SCLY: variants seen among roughly 807,000 people sequenced by gnomAD.
SCLY encodes selenocysteine lyase, also known as putative selenocysteine lyase.
SCLY carries 38 observed loss-of-function variants against 50.1 expected under a neutral mutation model. The ratio of observed to expected loss-of-function variants is 0.76; its 90% CI spans 0.59 to 0.99. The LOEUF (loss-of-function observed/expected upper bound fraction) is 0.99. Ranked by LOEUF, SCLY falls within the 50% of genes least tolerant of loss-of-function variation. The pLI is 0.00. For synonymous variants in SCLY, 243 were observed against 249.4 expected (o/e 0.97, Z 0.24); for missense variants, 600 against 620.0 (o/e 0.97, Z 0.34).
Position 238,082,328 on chromosome 2 carries a change from G to A in SCLY, c.777+119G>A, listed in dbSNP as rs368004196. 188 of 998,494 alleles carry A rather than the reference G, an allele frequency of 1.9e-4. 1 individual carries two copies. The African/African-American group carries it at 2.7e-3, about 14-fold the overall frequency. The allele number at this position is 998,494 out of a possible 1,614,324, so 61.9% of individuals were successfully genotyped here. A position where few individuals can be genotyped will look rare whatever the true frequency, so the allele number is the denominator to read the frequency against. ...AGCCAGGCCTTGGGGGCACTGCGAG[G>A]AGCAACGTGGGATCCTTGTCCTCAG... On this transcript the variant is annotated intron_variant, in intron 6 of 11. Coordinates refer to ENST00000254663, the MANE Select transcript of SCLY (RefSeq NM_016510.7).
intron 8 of SCLY, chr2:238,091,535 A>ACCG: frequency 2.0e-5 from 8 of 394,928 alleles, no homozygotes; most frequent in South Asian, 9.8e-5. Flanking sequence ...GTGAAGTGTC[A>ACCG]AGCTGCAGGT....
intron 4 of SCLY, among the ~76,000 whole-genome samples, chr2:238,075,981 CCAATAATGGAACA>C (rs1453613742): frequency 6.6e-6 from 1 of 151,014 alleles, no homozygotes; most frequent in Non-Finnish European, 1.5e-5. Flanking sequence ...GCTTAGCGTT[CCAATAATGGAACA>C]CCAGGCATAA....
At chr2:238,068,254 T>A in intron 3 of SCLY, 89 bp downstream of exon 3, 1 of 1,057,544 alleles carries the variant, frequency 9.5e-7, no homozygotes, top group Non-Finnish European at 1.4e-6. Context: ...CATTTTCATT[T>A]AAAGAAAGAG....
chr2:238,098,671 T>TGGGA lies in SCLY; in HGVS notation c.*316_*317insGGGA, dbSNP rs1295676482. 48 of 86,002 alleles carry TGGGA rather than the reference T, an allele frequency of 5.6e-4. No homozygotes were observed. The highest frequency in any genetic ancestry group is 1.8e-3 in the East Asian group (7 of 3,788). The allele number at this position is 86,002 out of a possible 1,614,324, so 5.3% of individuals were successfully genotyped here. A position where few individuals can be genotyped will look rare whatever the true frequency, so the allele number is the denominator to read the frequency against. ...TGGGACCGCCCACATAGAACCGTCC[T>TGGGA]CCAGTGGTGAAGCGGAAACACTTAG... On this transcript the variant is annotated 3_prime_UTR_variant, in exon 12 of 12. Transcript: ENST00000254663.
chr2:238,083,966 C>T lies in SCLY; in HGVS notation c.884+612C>T, dbSNP rs1196374985. Reference sequence around the variant, plus strand: ...AAATGCCCCAACCAAAGCCTGTCCTCTCTAGCCAGTGGACCAGGAAAGGAA... The same window carrying T: ...AAATGCCCCAACCAAAGCCTGTCCTTTCTAGCCAGTGGACCAGGAAAGGAA... On this transcript the variant is annotated intron_variant, in intron 7 of 11. Coordinates refer to ENST00000254663, the MANE Select transcript of SCLY (RefSeq NM_016510.7). The surrounding 1 kb of genome is among the most constrained non-coding windows in gnomAD (Gnocchi z 4.3). Among the ~76,000 whole-genome samples, 1 of 152,238 alleles carries T rather than the reference C, an allele frequency of 6.6e-6. No homozygotes were observed. The highest frequency in any genetic ancestry group is 1.5e-5 in the Non-Finnish European group (1 of 68,046).
chr2:238,096,763 GGA>G (rs751010526), intron 10 of SCLY, 36 bp from the exon 11 acceptor site: 1 of 1,582,698 alleles, frequency 6.3e-7, no homozygotes, highest in Non-Finnish European at 8.6e-7. Context: ...CAACCTGGCT[GGA>G]GCCCCATCTC....
intron 8 of SCLY, chr2:238,092,200 T>G (rs963954557): frequency 6.6e-6 from 1 of 152,312 alleles, no homozygotes; most frequent in East Asian, 1.9e-4. Flanking sequence ...ATTCTCCCAC[T>G]TCAGTCTCCA....
chr2:238,090,657 T>G (rs537067230), intron 7 of SCLY, among the ~76,000 whole-genome samples: 1 of 152,306 alleles, frequency 6.6e-6, no homozygotes, highest in South Asian at 2.1e-4. Context: ...AGAAATTAAT[T>G]ATTAAGTTAA....
At chr2:238,090,780 CCA>C (rs2065353567) in intron 7 of SCLY, among the ~76,000 whole-genome samples, 1 of 151,866 alleles carries the variant, frequency 6.6e-6, no homozygotes, top group Admixed American at 6.6e-5. Flanking sequence ...GTGTGCACAC[CCA>C]CACGCGCTTG....
rs1691328761 is a variant in SCLY, at chr2:238,098,619, G to GGGACCGCCCACATGGGAACGCCCACATA, written c.*281_*282insACGCCCACATAGGACCGCCCACATGGGA. ...ACCGCCCACATAGGACCGCCCACATGGGACCGCCCACATGGGACCGCCCAC... is the reference window on the plus strand; with the variant it reads ...ACCGCCCACATAGGACCGCCCACATGGGACCGCCCACATGGGAACGCCCACATAGGACCGCCCACATGGGACCGCCCAC... On this transcript the variant is annotated 3_prime_UTR_variant, in exon 12 of 12. Coordinates refer to ENST00000254663, the MANE Select transcript of SCLY (RefSeq NM_016510.7). 25 of 208,792 alleles carry GGGACCGCCCACATGGGAACGCCCACATA rather than the reference G, an allele frequency of 1.2e-4. 2 individuals carry two copies. Among genetic ancestry groups the GGGACCGCCCACATGGGAACGCCCACATA allele is most frequent in the African/African-American group, 5.6e-4 (13 of 23,336 alleles). 12.9% of individuals were successfully genotyped at this position (208,792 alleles called of 1,614,324 possible). A position where few individuals can be genotyped will look rare whatever the true frequency, so the allele number is the denominator to read the frequency against.
At position 238,083,300 on chromosome 2, in the gene SCLY, C is replaced by T. The variant is rs979241033; in HGVS notation, c.830C>T (p.Thr277Ile). 1 of 1,613,948 alleles carries T rather than the reference C, an allele frequency of 6.2e-7. No homozygotes were observed. The highest frequency in any genetic ancestry group is 1.1e-5 in the South Asian group (1 of 91,080). ...ALYIRGLGEF[T>I]PLYPMLFGGG... The stretch of plus-strand genomic sequence containing the variant: ...TATATACGAGGACTTGGTGAATTTA[C>T]CCCTCTCTACCCTATGCTATTTGGA... Residue 277 changes from threonine to isoleucine, a missense_variant, in exon 7 of 12, where the codon ACC becomes ATC. By Grantham distance (89) the Thr-to-Ile change is moderately conservative (BLOSUM62 -1). Transcript: ENST00000254663. The surrounding 1 kb of genome is among the most constrained non-coding windows in gnomAD (Gnocchi z 4.3).
intron 4 of SCLY, among the ~76,000 whole-genome samples, chr2:238,076,134 C>T (rs1293149542): frequency 6.7e-6 from 1 of 149,344 alleles, no homozygotes; most frequent in African/African-American, 2.5e-5. Context: ...TCTTATTGCC[C>T]AGGCTGAAGT....
Position 238,069,314 on chromosome 2 carries a change from C to T in SCLY, c.321C>T (p.Ile107=). The change falls in exon 4 of 12, where the codon ATC becomes ATT. Residue 107 remains isoleucine (I), a synonymous_variant. Transcript: ENST00000254663. The surrounding 1 kb of genome is among the most constrained non-coding windows in gnomAD (Gnocchi z 5.0). The part of the protein sequence containing the change: ...SGGTESNNLV[I]HSVVKHFHAN... ...CTCTGCAGTCAAATAATTTAGTAAT[C>T]CATTCTGTGGTGAAACATTTCCACG... 6.2e-7 allele frequency: 1 copy of T among 1,613,144 alleles called. No homozygotes were observed. The highest frequency in any genetic ancestry group is 8.5e-7 in the Non-Finnish European group (1 of 1,179,636).
chr2:238,084,893 CAA>C (rs377025100), intron 7 of SCLY, among the ~76,000 whole-genome samples: 36,264 of 107,146 alleles, frequency 0.34, 5,351 homozygotes, highest in East Asian at 0.48. Flanking sequence ...GACTCCATCT[CAA>C]AAAAAAAAAA....
rs1345874019 is a variant in SCLY, at chr2:238,098,318, T to C, written c.1301T>C (p.Leu434Pro). The C allele has an allele frequency of 1.2e-6, 2 of 1,606,146 alleles. No individual in the cohort carries two copies. The highest frequency in any genetic ancestry group is 8.5e-7 in the Non-Finnish European group (1 of 1,178,840). Reference protein sequence around the residue: ...RAEVDLVVQDLKQAVAQLEDQ... With the variant: ...RAEVDLVVQDPKQAVAQLEDQ... The stretch of plus-strand genomic sequence containing the variant: ...GAGGTGGACCTCGTCGTGCAGGACC[T>C]GAAGCAGGCCGTGGCGCAGCTGGAG... Residue 434 changes from leucine (L) to proline (P), a missense_variant, in exon 12 of 12, where the codon CTG (leucine) becomes CCG (proline). Coordinates refer to ENST00000254663, the MANE Select transcript of SCLY (RefSeq NM_016510.7).
rs200957766 is a variant in SCLY, at chr2:238,098,226, C to T, written c.1209C>T (p.Tyr403=). 48 of 1,606,340 alleles carry T rather than the reference C, an allele frequency of 3.0e-5. No individual in the cohort carries two copies. Among genetic ancestry groups the T allele is most frequent in the Middle Eastern group, 1.7e-4 (1 of 6,014 alleles). ...GDQPSPVLLS[Y]GVPFDVARNA... ...GGCCGTCCCCAGTGCTGCTGAGCTA[C>T]GGTGTCCCCTTCGACGTGGCCAGGA... Residue 403 remains tyrosine, a synonymous_variant, in exon 12 of 12, where the codon TAC becomes TAT. Coordinates refer to ENST00000254663, the MANE Select transcript of SCLY (RefSeq NM_016510.7).
chr2:238,099,275 T>C lies in SCLY; in HGVS notation c.*920T>C. On this transcript the variant is annotated 3_prime_UTR_variant, in exon 12 of 12. Coordinates refer to ENST00000254663, the MANE Select transcript of SCLY (RefSeq NM_016510.7). ...CTCTGGCATTTGGACACACATCACA[T>C]GTCGATATTTGCATAGGAGTCATTT... 4.2e-6 allele frequency: 2 copies of C among 471,802 alleles called. No homozygotes were observed. Among genetic ancestry groups the C allele is most frequent in the Middle Eastern group, 3.2e-4 (1 of 3,082 alleles). The allele number at this position is 471,802 out of a possible 1,614,324, so 29.2% of individuals were successfully genotyped here.
At position 238,081,781 on chromosome 2, in the gene SCLY, C is replaced by T. The variant is rs753144281; in HGVS notation, c.557C>T (p.Pro186Leu). 3.8e-5 allele frequency: 61 copies of T among 1,614,148 alleles called. No homozygotes were observed. In the East Asian group the frequency reaches 1.2e-3, roughly 32 times the overall value. Residue 186 changes from proline to leucine, a missense_variant, in exon 5 of 12, where the codon CCG (proline) becomes CTG (leucine). Physicochemically the swap from Pro to Leu is moderately conservative, Grantham distance 98. Coordinates refer to ENST00000254663, the MANE Select transcript of SCLY (RefSeq NM_016510.7). ...EVDDILAAVR[P>L]TTRLVTIMLA... Reference sequence around the variant, plus strand: ...GACGACATCCTCGCGGCAGTCCGCCCGACCACACGCCTCGTGACCATCATG... The same window carrying T: ...GACGACATCCTCGCGGCAGTCCGCCTGACCACACGCCTCGTGACCATCATG...
rs1321135809 is a variant in SCLY, at chr2:238,062,395, C to T, written c.89+1252C>T. 2.2e-5 allele frequency among the ~76,000 whole-genome samples: 3 copies of T among 139,374 alleles called. No individual in the cohort carries two copies. The Admixed American group carries it at 2.3e-4, about 11-fold the overall frequency. 91.4% of individuals were successfully genotyped at this position (139,374 alleles called of 152,430 possible). On this transcript the variant is annotated intron_variant, in intron 1 of 11. Coordinates refer to ENST00000254663, the MANE Select transcript of SCLY (RefSeq NM_016510.7). ...GAGTCAAACTTGTCAAAGCCTTGTA[C>T]CTATTGAGTGATTTTTTTTTTTTTT...
Sources: gnomAD v4.1 joint callset for allele counts (sites outside exome capture counted in the v4.1 genomes callset) on GRCh38, gnomAD v4.1.1 for gene constraint, Gnocchi (gnomAD v3.1) non-coding constraint, MANE v1.5 for transcripts, NCBI Gene and HGNC (gene_info 2026-07-23, HGNC 2026-07-21) for gene names.